Variants in UNC13C observed in about 807,000 individuals in gnomAD.
UNC13C encodes unc-13 homolog C, also known as protein unc-13 homolog C.
UNC13C carries 174 observed loss-of-function variants against 245.4 expected under a neutral mutation model. The observed-to-expected ratio is 0.71, with a 90% CI of 0.63 to 0.80. The LOEUF is 0.80. Ranked by LOEUF, UNC13C falls within the 30% of genes least tolerant of loss-of-function variation. The pLI, the probability that UNC13C is intolerant of heterozygous loss-of-function variation, is 0.00. For synonymous variants in UNC13C, 992 were observed against 895.1 expected (o/e 1.11, Z -1.93); for missense variants, 2,829 against 2,602.9 (o/e 1.09, Z -1.89).
chr15:54,527,407 G>A (rs1895522867), intron 25 of UNC13C, among the ~76,000 whole-genome samples: 2 of 152,106 alleles, frequency 1.3e-5, no homozygotes, highest in South Asian at 2.1e-4. Flanking sequence ...AAGAGGTCAG[G>A]AATAGCTAGA....
At position 54,013,706 on chromosome 15, in the gene UNC13C, A is replaced by C; in HGVS notation, c.803A>C (p.Asn268Thr). The C allele has an allele frequency of 6.2e-7, 1 of 1,613,684 alleles. No individual in the cohort carries two copies. The highest frequency in any genetic ancestry group is 2.2e-5 in the East Asian group (1 of 44,860). ...TELSELRGHV[N>T]ALKHSIDEIS... ...CTTTCTGAACTACGAGGGCACGTCA[A>C]TGCTCTCAAGCACTCCATCGATGAG... Residue 268 changes from asparagine to threonine, a missense_variant, in exon 2 of 33, where the codon AAT (asparagine) becomes ACT (threonine). By Grantham distance (65) the Asn-to-Thr change is moderately conservative. Coordinates refer to ENST00000260323, the MANE Select transcript of UNC13C (RefSeq NM_001080534.3).
At chr15:53,977,642 G>A (rs7175118), upstream of UNC13C, among the ~76,000 whole-genome samples, 52,123 of 152,072 alleles carry the variant, frequency 0.34, 10,693 homozygotes, top group Middle Eastern at 0.49. Context: ...CTTTAAGGCT[G>A]TATTTTAAGA....
chr15:53,931,300 C>G, the UNC13C span, among the ~76,000 whole-genome samples: 34,025 of 152,000 alleles, frequency 0.22, 4,822 homozygotes, highest in Non-Finnish European at 0.31. Context: ...TCCTGAGTAG[C>G]TGGGATCACA....
chr15:54,593,579 C>A (rs1180458996), intron 30 of UNC13C, among the ~76,000 whole-genome samples: 3 of 152,020 alleles, frequency 2.0e-5, no homozygotes, highest in Non-Finnish European at 4.4e-5. Context: ...AAGACCTTAT[C>A]TTTGAGCTCT....
At chr15:54,049,321 T>A in intron 2 of UNC13C, 2 of 518,272 alleles carry the variant, frequency 3.9e-6, no homozygotes, top group South Asian at 3.0e-5. Flanking sequence ...TTCATATGAA[T>A]ATAAATCGAT....
In UNC13C at chr15:54,623,866, G is replaced by C. The variant is rs768969489; in HGVS notation, c.6271G>C (p.Gly2091Arg). Residue 2091 changes from glycine (G) to arginine (R), a missense_variant, in exon 32 of 33, where the codon GGA becomes CGA. Gly to Arg is a moderately radical substitution (Grantham distance 125). Transcript: ENST00000260323. ...CCCCTTTGTGGAAGTTTGTATACTG[G>C]GACCCAACCTTGGAGACAAGAAGAG... Reference protein sequence around the residue: ...FRPFVEVCILGPNLGDKKRKQ... With the variant: ...FRPFVEVCILRPNLGDKKRKQ... 6.2e-7 allele frequency: 1 copy of C among 1,613,014 alleles called. No homozygotes were observed. Among genetic ancestry groups the C allele is most frequent in the Non-Finnish European group, 8.5e-7 (1 of 1,179,450 alleles).
Position 54,250,259 on chromosome 15 carries a change from T to C in UNC13C, c.3263T>C (p.Leu1088Pro). The change falls in exon 8 of 33, where the codon CTG becomes CCG. Residue 1088 changes from leucine to proline, a missense_variant. Coordinates refer to ENST00000260323, the MANE Select transcript of UNC13C (RefSeq NM_001080534.3). ...MHVFKKTLQA[L>P]IYPMSSTIPH... Reference sequence around the variant, plus strand: ...GTCTTCAAGAAGACCTTGCAGGCACTGATCTACCCTATGTCTTCTACCATC... The same window carrying C: ...GTCTTCAAGAAGACCTTGCAGGCACCGATCTACCCTATGTCTTCTACCATC... The C allele has an allele frequency of 6.2e-7, 1 of 1,613,970 alleles. No individual in the cohort carries two copies. Among genetic ancestry groups the C allele is most frequent in the East Asian group, 2.2e-5 (1 of 44,864 alleles).
At chr15:54,347,337 C>T (rs938631804) in intron 17 of UNC13C, among the ~76,000 whole-genome samples, 1 of 152,148 alleles carries the variant, frequency 6.6e-6, no homozygotes, top group Admixed American at 6.5e-5. Flanking sequence ...CTTGTTTACA[C>T]AGAGATCATC....
chr15:54,225,216 TGTA>T (rs1053952410), intron 4 of UNC13C, among the ~76,000 whole-genome samples: 6 of 152,086 alleles, frequency 3.9e-5, no homozygotes, highest in African/African-American at 1.4e-4. Flanking sequence ...ACTATAGCCT[TGTA>T]GTATAGTTGG....
At chr15:54,061,219 T>G (rs986597847) in intron 2 of UNC13C, among the ~76,000 whole-genome samples, 1 of 151,090 alleles carries the variant, frequency 6.6e-6, no homozygotes, top group Non-Finnish European at 1.5e-5. Flanking sequence ...CTAGAAAGGA[T>G]TGGTACTAGA....
At chr15:54,380,298 A>G (rs2039696274) in intron 17 of UNC13C, among the ~76,000 whole-genome samples, 1 of 152,132 alleles carries the variant, frequency 6.6e-6, no homozygotes, top group Admixed American at 6.6e-5. Flanking sequence ...TCCATGAAGC[A>G]ACATTTCCGT....
chr15:54,492,953 G>C (rs1439642491), intron 19 of UNC13C, among the ~76,000 whole-genome samples: 2 of 152,154 alleles, frequency 1.3e-5, no homozygotes, highest in African/African-American at 4.8e-5. Context: ...ACTCACAAGA[G>C]GAAATATTTA....
chr15:54,167,602 G>GCAAAAAA (rs2033223791), intron 4 of UNC13C, among the ~76,000 whole-genome samples: 1 of 63,570 alleles, frequency 1.6e-5, no homozygotes, highest in Non-Finnish European at 2.9e-5. Flanking sequence ...ATCCAAATAG[G>GCAAAAAA]AAAAAAAAAA....
chr15:54,065,224 G>C (rs542824210), intron 2 of UNC13C, among the ~76,000 whole-genome samples: 2 of 152,270 alleles, frequency 1.3e-5, no homozygotes, highest in African/African-American at 4.8e-5. Flanking sequence ...TCTGTTGGTG[G>C]CCTGCCTTTT....
At chr15:53,995,095 T>C (rs997782318) in intron 1 of UNC13C, among the ~76,000 whole-genome samples, 1 of 152,144 alleles carries the variant, frequency 6.6e-6, no homozygotes, top group African/African-American at 2.4e-5. Flanking sequence ...GACATTATAG[T>C]TCATGCATGA....
At chr15:54,619,424 A>G (rs531771120) in intron 30 of UNC13C, among the ~76,000 whole-genome samples, 69 of 152,260 alleles carry the variant, frequency 4.5e-4, no homozygotes, top group Middle Eastern at 3.4e-3. Flanking sequence ...GGCCAAGTCC[A>G]TCTTTTGATT....
chr15:54,283,734 GTGTGTA>G (rs780586242), intron 10 of UNC13C, among the ~76,000 whole-genome samples: 1 of 145,262 alleles, frequency 6.9e-6, no homozygotes, highest in African/African-American at 2.6e-5. Flanking sequence ...GTGTGTGTGT[GTGTGTA>G]TGTAATATTT....
rs552199084 is a variant in UNC13C, at chr15:54,390,511, T to G, written c.4714-2537T>G. Among the ~76,000 whole-genome samples, 127 of 152,208 alleles carry G rather than the reference T, an allele frequency of 8.3e-4. No homozygotes were observed. The South Asian group carries it at 0.026, about 31-fold the overall frequency. On this transcript the variant is annotated intron_variant, in intron 17 of 32. Transcript: ENST00000260323. Reference sequence around the variant, plus strand: ...TCAATAATCTATTAACAAAATAATTTTAGTCACTATTATAATAATTACTAT... The same window carrying G: ...TCAATAATCTATTAACAAAATAATTGTAGTCACTATTATAATAATTACTAT...
intron 2 of UNC13C, among the ~76,000 whole-genome samples, chr15:54,129,248 T>G (rs570828314): frequency 6.6e-5 from 10 of 152,194 alleles, no homozygotes; most frequent in Non-Finnish European, 1.2e-4. Flanking sequence ...CTTGGCCAGA[T>G]GCGTACATAT....
Sources: allele counts gnomAD v4.1 joint callset (sites outside exome capture counted in the v4.1 genomes callset), GRCh38; gene constraint gnomAD v4.1.1; transcripts MANE v1.5; gene names NCBI Gene and HGNC (gene_info 2026-07-23, HGNC 2026-07-21).